Variants in ITPR3 observed in about 807,000 individuals in gnomAD.
ITPR3 encodes the protein inositol 1,4,5-trisphosphate-gated calcium channel ITPR3.
Under a neutral mutation model 293.2 loss-of-function variants are expected in ITPR3, and 173 were observed. The ratio of observed to expected loss-of-function variants is 0.59; its 90% CI spans 0.52 to 0.67. ITPR3 has a LOEUF of 0.67. Ranked by LOEUF, ITPR3 falls within the 30% of genes least tolerant of loss-of-function variation. The probability of loss-of-function intolerance (pLI) is 0.00; values close to 1 mark genes in which losing one functional copy is unlikely to be tolerated. For missense variants in ITPR3, 2,796 were observed against 3,592.1 expected, an observed-to-expected ratio of 0.78 and a Z score of 5.66; for synonymous variants, 1,295 against 1,444.4, an observed-to-expected ratio of 0.90 and a Z score of 2.35.
rs779741187 is a variant in ITPR3 at position 33,668,979 on chromosome 6, G to A, written c.2012G>A (p.Arg671Gln). 10 of 1,613,392 alleles carry A rather than the reference G, an allele frequency of 6.2e-6. No homozygotes were observed. The highest frequency in any genetic ancestry group is 4.4e-5 in the South Asian group (4 of 91,058). ...AGGTTGCTGGTGGTCTGCAGGCTTC[G>A]GCCCGTGAAGGAGATGGCCCAATCC... Reference protein sequence around the residue: ...NSDILIRTELRPVKEMAQSHE... With the variant: ...NSDILIRTELQPVKEMAQSHE... The change falls in exon 18 of 58, where the codon CGG becomes CAG. Residue 671 changes from arginine to glutamine, a missense_variant. Around this residue, in one of 8 missense-constraint regions of ITPR3, gnomAD observed 955 missense variants for 1,180.8 expected, o/e 0.81. Transcript: ENST00000605930.
In ITPR3 at chr6:33,688,750, C is replaced by T. The variant is rs1414086971; in HGVS notation, c.6663C>T (p.Phe2221=). ...TGTTTATCAACATCATCATTGCCTTCTTCTACCCTTACATGGAGGGCGCGT... is the reference window on the plus strand; with the variant it reads ...TGTTTATCAACATCATCATTGCCTTTTTCTACCCTTACATGGAGGGCGCGT... ...LAVFINIIIA[F]FYPYMEGAST... Residue 2221 remains phenylalanine (F), a synonymous_variant, in exon 49 of 58, where the codon TTC becomes TTT. Coordinates refer to ENST00000605930, the MANE Select transcript of ITPR3 (RefSeq NM_002224.4). 1 of 1,614,224 alleles carries T rather than the reference C, an allele frequency of 6.2e-7. No individual in the cohort carries two copies.
intron 6 of ITPR3, 58 bp downstream of exon 6, chr6:33,659,177 G>A (rs1764392135): frequency 2.7e-6 from 4 of 1,477,338 alleles, no homozygotes; most frequent in Non-Finnish European, 2.8e-6. Flanking sequence ...CCCTGGTGGT[G>A]TAGACACCCC....
chr6:33,665,729 C>G, intron 13 of ITPR3, 106 bp from the exon 14 acceptor site: 1 of 1,290,358 alleles, frequency 7.7e-7, no homozygotes, highest in Admixed American at 1.8e-5. Flanking sequence ...TTGGGGGCCG[C>G]TGAGTGAACT....
intron 18 of ITPR3, among the ~76,000 whole-genome samples, chr6:33,669,615 C>A (rs1764704197): frequency 6.6e-6 from 1 of 152,196 alleles, no homozygotes; most frequent in South Asian, 2.1e-4. Context: ...AAATCATCAT[C>A]ATAATAATCT....
At position 33,664,831 on chromosome 6, in the gene ITPR3, G is replaced by A. The variant is rs975579545; in HGVS notation, c.1149-39G>A. On this transcript the variant is annotated intron_variant, in intron 11 of 57. Coordinates refer to ENST00000605930, the MANE Select transcript of ITPR3 (RefSeq NM_002224.4). The surrounding 1 kb of genome is among the most constrained non-coding windows in gnomAD (Gnocchi z 4.4). ...GGCAGGCAGCATGACGTGCTCTGTG[G>A]TGCACTCCCCGAGTCCTTTCCCTCC... 3 of 1,577,736 alleles carry A rather than the reference G, an allele frequency of 1.9e-6. No individual in the cohort carries two copies. Among genetic ancestry groups the A allele is most frequent in the Non-Finnish European group, 1.7e-6 (2 of 1,150,264 alleles).
chr6:33,692,720 C>T lies in ITPR3; in HGVS notation c.7459-8C>T. ...CCGGGCCCAGCCTCCCTGCCTCATC[C>T]CCTGCAGGAGTCTCTCTTCCCAGCC... On this transcript the variant is annotated splice_region_variant and splice_polypyrimidine_tract_variant and intron_variant, in intron 54 of 57. Coordinates refer to ENST00000605930, the MANE Select transcript of ITPR3 (RefSeq NM_002224.4). The surrounding 1 kb of genome is among the most constrained non-coding windows in gnomAD (Gnocchi z 4.2). 1 of 1,613,650 alleles carries T rather than the reference C, an allele frequency of 6.2e-7. No homozygotes were observed. Among genetic ancestry groups the T allele is most frequent in the Non-Finnish European group, 8.5e-7 (1 of 1,179,704 alleles).
Position 33,675,844 on chromosome 6 carries a change from C to T in ITPR3, c.3270C>T (p.His1090=), listed in dbSNP as rs1336001863. The change falls in exon 25 of 58, where the codon CAC becomes CAT. Residue 1090 remains histidine (H), a synonymous_variant. Transcript: ENST00000605930. The surrounding 1 kb of genome is among the most constrained non-coding windows in gnomAD (Gnocchi z 5.0). ...TCAGCCAGCGCCAGGAGGCCATGCA[C>T]ACCTTCAAGCAGGTGACGGGACTAC... ...KHFSQRQEAM[H]TFKQVQLLIS... 4.5e-6 allele frequency: 7 copies of T among 1,567,092 alleles called. No individual in the cohort carries two copies. The highest frequency in any genetic ancestry group is 6.1e-6 in the Non-Finnish European group (7 of 1,155,972).
chr6:33,640,428 A>G (rs1763920708), intron 1 of ITPR3, 56 bp from the exon 2 acceptor site: 1 of 1,534,778 alleles, frequency 6.5e-7, no homozygotes, highest in Non-Finnish European at 8.9e-7. Context: ...AAGGGAAGGG[A>G]TACTGTGGGA....
intron 21 of ITPR3, 67 bp downstream of exon 21, chr6:33,671,373 C>A: frequency 8.6e-7 from 1 of 1,160,794 alleles, no homozygotes; most frequent in South Asian, 1.3e-5. Context: ...AGGAAGTTCC[C>A]TCAGATCAAC....
At chr6:33,656,900 G>A (rs1199717844) in intron 3 of ITPR3, among the ~76,000 whole-genome samples, 1 of 152,226 alleles carries the variant, frequency 6.6e-6, no homozygotes, top group African/African-American at 2.4e-5. Context: ...CTGGAGAGAG[G>A]GAGCTGCAGG....
chr6:33,669,229 C>A, intron 18 of ITPR3, 73 bp downstream of exon 18: 2 of 1,489,470 alleles, frequency 1.3e-6, no homozygotes, highest in Non-Finnish European at 9.1e-7. Context: ...CAGTCAATCC[C>A]TGCTGAGGAT....
rs144445076 is a variant in ITPR3, at chr6:33,672,075, C to T, written c.2775C>T (p.Ser925=). 1.9e-6 allele frequency: 3 copies of T among 1,613,226 alleles called. No individual in the cohort carries two copies. In the African/African-American group the frequency reaches 4.0e-5, roughly 22 times the overall value. The part of the protein sequence containing the change: ...RSIQGVGHMM[S]TMVLSRKQSV... ...TCCAGGGCGTGGGGCACATGATGTCCACCATGGTGCTGAGCCGCAAGCAGT... is the reference window on the plus strand; with the variant it reads ...TCCAGGGCGTGGGGCACATGATGTCTACCATGGTGCTGAGCCGCAAGCAGT... Residue 925 remains serine (S), a synonymous_variant, in exon 22 of 58, where the codon TCC becomes TCT. Coordinates refer to ENST00000605930, the MANE Select transcript of ITPR3 (RefSeq NM_002224.4). The surrounding 1 kb of genome is among the most constrained non-coding windows in gnomAD (Gnocchi z 5.0).
At chr6:33,693,753 TAG>T (rs1765459744) in intron 56 of ITPR3, 48 bp downstream of exon 56, 7 of 1,601,866 alleles carry the variant, frequency 4.4e-6, no homozygotes, top group Non-Finnish European at 6.0e-6. Context: ...CCAGCCATTC[TAG>T]AGTCATCACT....
intron 20 of ITPR3, 136 bp from the exon 21 acceptor site, chr6:33,671,029 C>T (rs941151328): frequency 4.6e-5 from 66 of 1,449,530 alleles, no homozygotes; most frequent in Non-Finnish European, 5.9e-5. Context: ...CTCCCTGCTC[C>T]GCTCTCCCTC....
chr6:33,677,379 C>T, intron 27 of ITPR3, 125 bp from the exon 28 acceptor site: 1 of 1,350,022 alleles, frequency 7.4e-7, no homozygotes, highest in Non-Finnish European at 1.0e-6. Context: ...GGGTCTGATT[C>T]AGCGCCTGTG....
At chr6:33,637,285 C>G (rs60904779) in intron 1 of ITPR3, among the ~76,000 whole-genome samples, 57 of 152,230 alleles carry the variant, frequency 3.7e-4, no homozygotes, top group African/African-American at 1.3e-3. Flanking sequence ...TCTGGGGTTC[C>G]CACAACTCCC....
At position 33,683,716 on chromosome 6, in the gene ITPR3, C is replaced by G. The variant is rs1006888272; in HGVS notation, c.4789-304C>G. ...TGCAGCACATTTCTGTGCGCTGTCTCGTTGGCCTGTAGAGGGGGTGTGGTG... is the reference window on the plus strand; with the variant it reads ...TGCAGCACATTTCTGTGCGCTGTCTGGTTGGCCTGTAGAGGGGGTGTGGTG... On this transcript the variant is annotated intron_variant, in intron 35 of 57. Transcript: ENST00000605930. This position sits in a 1 kb window ranked among gnomAD's most constrained non-coding sequence, Gnocchi z 4.5. Among the ~76,000 whole-genome samples the G allele has an allele frequency of 6.6e-6, 1 of 152,180 alleles. No homozygotes were observed. Among genetic ancestry groups the G allele is most frequent in the Non-Finnish European group, 1.5e-5 (1 of 68,030 alleles).
chr6:33,656,446 C>G (rs1294890586), intron 3 of ITPR3, among the ~76,000 whole-genome samples: 2 of 152,198 alleles, frequency 1.3e-5, no homozygotes, highest in Non-Finnish European at 2.9e-5. Flanking sequence ...AGCCCTGGAT[C>G]TAGTCTTAAC....
intron 9 of ITPR3, 84 bp from the exon 10 acceptor site, chr6:33,663,416 A>T (rs1764527624): frequency 2.2e-6 from 3 of 1,379,204 alleles, no homozygotes; most frequent in East Asian, 5.0e-5. Flanking sequence ...CCAGGGCCCT[A>T]TGTAGGTGAC....
Sources: allele counts gnomAD v4.1 joint callset (sites outside exome capture counted in the v4.1 genomes callset), GRCh38; gene constraint gnomAD v4.1.1; regional missense constraint gnomAD v4.1.1; non-coding constraint Gnocchi (gnomAD v3.1); transcripts MANE v1.5; gene names NCBI Gene and HGNC (gene_info 2026-07-23, HGNC 2026-07-21).